FADS2: variants seen among roughly 807,000 people sequenced by gnomAD.
FADS2 encodes the protein acyl-CoA 6-desaturase.
A neutral mutation model predicts 61.2 loss-of-function variants in FADS2; 18 were observed. That is an observed-to-expected ratio of 0.29 (90% CI 0.20 to 0.44). FADS2 has a LOEUF of 0.44. Ranked by LOEUF, FADS2 falls within the 20% of genes least tolerant of loss-of-function variation. The pLI, the probability that FADS2 is intolerant of heterozygous loss-of-function variation, is 1.00. For synonymous variants in FADS2, 203 were observed against 223.9 expected (o/e 0.91, Z 0.83); for missense variants, 322 against 572.7 (o/e 0.56, Z 4.47).
chr11:61,859,724 T>C (rs986382954), intron 7 of FADS2, among the ~76,000 whole-genome samples: 5 of 124,540 alleles, frequency 4.0e-5, no homozygotes, highest in Non-Finnish European at 6.5e-5. Context: ...CAGTCACTCA[T>C]GCTTGTTATC....
At chr11:61,833,158 G>A (rs2067142624) in intron 1 of FADS2, among the ~76,000 whole-genome samples, 1 of 152,188 alleles carries the variant, frequency 6.6e-6, no homozygotes, top group Admixed American at 6.5e-5. Flanking sequence ...CACCTGCCCT[G>A]CCGAGGCGGG....
intron 1 of FADS2, among the ~76,000 whole-genome samples, chr11:61,836,723 G>A (rs979580260): frequency 1.3e-5 from 2 of 152,250 alleles, no homozygotes; most frequent in Admixed American, 6.5e-5. Flanking sequence ...CCATGCTTCC[G>A]TACTTTTGTT....
In FADS2 at chr11:61,828,746, C is replaced by G. The variant is rs981271677; in HGVS notation, c.207+149C>G. The G allele has an allele frequency of 4.4e-6, 3 of 676,464 alleles. No homozygotes were observed. Among genetic ancestry groups the G allele is most frequent in the Admixed American group, 2.9e-5 (1 of 34,902 alleles). The allele number at this position is 676,464 out of a possible 1,614,324, so 41.9% of individuals were successfully genotyped here. On this transcript the variant is annotated intron_variant, in intron 1 of 11. Coordinates refer to ENST00000278840, the MANE Select transcript of FADS2 (RefSeq NM_004265.4). This position sits in a 1 kb window ranked among gnomAD's most constrained non-coding sequence, Gnocchi z 6.4. ...AAAGTGCATCTATTGCACTCGTACCCCCTCCCCAATCCTCCTCCTCCTCTG... is the reference window on the plus strand; with the variant it reads ...AAAGTGCATCTATTGCACTCGTACCGCCTCCCCAATCCTCCTCCTCCTCTG...
At chr11:61,847,843 G>A (rs752876685) in intron 4 of FADS2, 3 of 345,044 alleles carry the variant, frequency 8.7e-6, no homozygotes, top group Non-Finnish European at 1.7e-5. Context: ...ACCTGGTGAC[G>A]GAGAGGCAGA....
intron 4 of FADS2, among the ~76,000 whole-genome samples, chr11:61,841,180 T>C (rs1228228389): frequency 3.3e-5 from 5 of 151,298 alleles, no homozygotes; most frequent in Admixed American, 6.6e-5. Context: ...GCCTCCCGAG[T>C]AGCTGGGATT....
intron 1 of FADS2, among the ~76,000 whole-genome samples, chr11:61,835,620 G>T (rs976007815): frequency 2.0e-5 from 3 of 147,932 alleles, no homozygotes; most frequent in Non-Finnish European, 4.5e-5. Flanking sequence ...TGGCCAGTCT[G>T]ATCTCAAACT....
At position 61,832,848 on chromosome 11, in the gene FADS2, C is replaced by G. The variant is rs1041786624; in HGVS notation, c.207+4251C>G. ...CACCTACTGCACTGTGTGCCCTGTGCTTGCCCGTGCTGCACTTCCCAAATC... is the reference window on the plus strand; with the variant it reads ...CACCTACTGCACTGTGTGCCCTGTGGTTGCCCGTGCTGCACTTCCCAAATC... On this transcript the variant is annotated intron_variant, in intron 1 of 11. Transcript: ENST00000278840. 6.6e-5 allele frequency among the ~76,000 whole-genome samples: 10 copies of G among 152,376 alleles called. No homozygotes were observed. The East Asian group carries it at 1.9e-3, about 29-fold the overall frequency.
Position 61,865,346 on chromosome 11 carries a change from A to AG in FADS2, c.1283+73dup, listed in dbSNP as rs1278445440. ...GTGGTGCAGACAGTGGGATCACAAG[A>AG]GGGGCTGGGCCCTCCTGGCACAGTC... is the stretch of plus-strand genomic sequence containing the variant. On this transcript the variant is annotated intron_variant, in intron 11 of 11. Coordinates refer to ENST00000278840, the MANE Select transcript of FADS2 (RefSeq NM_004265.4). The surrounding 1 kb of genome is among the most constrained non-coding windows in gnomAD (Gnocchi z 4.1). 6.4e-7 allele frequency: 1 copy of AG among 1,574,436 alleles called. No homozygotes were observed. Among genetic ancestry groups the AG allele is most frequent in the Non-Finnish European group, 8.6e-7 (1 of 1,159,020 alleles).
Position 61,816,729 on chromosome 11 carries a change from G to A in FADS2, c.141+303G>A. On this transcript the variant is annotated intron_variant, in intron 1 of 11. Transcript: ENST00000257261. This position sits in a 1 kb window ranked among gnomAD's most constrained non-coding sequence, Gnocchi z 7.0. ...AGCGCGGGGTAGGTCCCTGAGCCGC[G>A]GTCTCGGCGGCCACCGGGTCGGGGG... 1.3e-6 allele frequency: 2 copies of A among 1,559,924 alleles called. No homozygotes were observed. The highest frequency in any genetic ancestry group is 1.7e-6 in the Non-Finnish European group (2 of 1,153,124).
At chr11:61,863,558 G>T (rs1041139368) in intron 9 of FADS2, 149 bp from the exon 10 acceptor site, 4 of 762,118 alleles carry the variant, frequency 5.2e-6, no homozygotes, top group Non-Finnish European at 6.7e-6. Context: ...GGGACAGGTG[G>T]GGCATCTGGG....
intron 5 of FADS2, among the ~76,000 whole-genome samples, chr11:61,849,505 G>A (rs174590): frequency 6.6e-6 from 1 of 151,752 alleles, no homozygotes; most frequent in South Asian, 2.1e-4. Flanking sequence ...GATCCCTTGA[G>A]CTGAGCCCAG....
intron 4 of FADS2, among the ~76,000 whole-genome samples, chr11:61,846,252 G>T (rs996373891): frequency 6.6e-6 from 1 of 151,552 alleles, no homozygotes; most frequent in Admixed American, 6.6e-5. Flanking sequence ...GAGTAGTTGG[G>T]ATTACAGGTG....
At chr11:61,825,946 C>T (rs1434644867), upstream of FADS2, 7 of 635,088 alleles carry the variant, frequency 1.1e-5, no homozygotes, top group East Asian at 1.1e-4. Context: ...GTGGGGTCAG[C>T]CCCCTAAAGT....
chr11:61,835,806 C>T (rs1288465252), intron 1 of FADS2, among the ~76,000 whole-genome samples: 1 of 152,142 alleles, frequency 6.6e-6, no homozygotes, highest in Non-Finnish European at 1.5e-5. Flanking sequence ...GCCACATTTG[C>T]GTTTTTCCTC....
rs113117978 is a variant in FADS2, at chr11:61,819,099, C to T, written c.141+2673C>T. Among the ~76,000 whole-genome samples the T allele has an allele frequency of 4.2e-3, 643 of 152,254 alleles. 3 individuals carry two copies. The highest frequency in any genetic ancestry group is 6.6e-3 in the Non-Finnish European group (452 of 68,016). On this transcript the variant is annotated intron_variant, in intron 1 of 11. Coordinates refer to the FADS2 transcript ENST00000257261. ...CCATGTTAGCCAGGATGGCTTTGATCTCCTGACCTCGTGATCTGCCCGCCT... is the reference window on the plus strand; with the variant it reads ...CCATGTTAGCCAGGATGGCTTTGATTTCCTGACCTCGTGATCTGCCCGCCT...
chr11:61,833,651 T>G (rs1565327967), intron 1 of FADS2, among the ~76,000 whole-genome samples: 1 of 152,214 alleles, frequency 6.6e-6, no homozygotes, highest in East Asian at 1.9e-4. Flanking sequence ...GATGCCTGGC[T>G]GATGTATGCA....
chr11:61,857,307 T>G, intron 6 of FADS2, 147 bp from the exon 7 acceptor site: 1 of 787,436 alleles, frequency 1.3e-6, no homozygotes, highest in Non-Finnish European at 2.2e-6. Context: ...GCTCCCAGCC[T>G]TCTCTGCAGG....
At chr11:61,834,464 G>A (rs1044691997) in intron 1 of FADS2, among the ~76,000 whole-genome samples, 1 of 151,974 alleles carries the variant, frequency 6.6e-6, no homozygotes, top group Non-Finnish European at 1.5e-5. Context: ...TCCCTGCCTG[G>A]CGCATGCCCA....
Position 61,840,644 on chromosome 11 carries a change from A to G in FADS2, c.537A>G (p.Gln179=). 1 of 1,614,198 alleles carries G rather than the reference A, an allele frequency of 6.2e-7. No homozygotes were observed. Among genetic ancestry groups the G allele is most frequent in the African/African-American group, 1.3e-5 (1 of 75,056 alleles). ...CCCAGGCCCAAGCTGGATGGCTGCAACATGATTATGGCCACCTGTCTGTCT... is the reference window on the plus strand; with the variant it reads ...CCCAGGCCCAAGCTGGATGGCTGCAGCATGATTATGGCCACCTGTCTGTCT... The part of the protein sequence containing the change: ...ATSQAQAGWL[Q]HDYGHLSVYR... The change falls in exon 4 of 12, where the codon CAA becomes CAG. Residue 179 remains glutamine, a synonymous_variant. Transcript: ENST00000278840.
Sources: gnomAD v4.1 joint callset for allele counts (sites outside exome capture counted in the v4.1 genomes callset) on GRCh38, gnomAD v4.1.1 for gene constraint, Gnocchi (gnomAD v3.1) non-coding constraint, MANE v1.5 for transcripts, NCBI Gene and HGNC (gene_info 2026-07-23, HGNC 2026-07-21) for gene names.